Variants in CHRM2 observed in about 807,000 individuals in gnomAD.
The protein encoded by CHRM2 is muscarinic acetylcholine receptor M2.
In CHRM2, 8 loss-of-function variants were observed where a neutral mutation model predicts 25.0. The ratio of observed to expected loss-of-function variants is 0.32; its 90% CI spans 0.19 to 0.58. The LOEUF is 0.58. Among genes scored for constraint, CHRM2 ranks in the 20% least tolerant of loss-of-function variants. The pLI, the probability that CHRM2 is intolerant of heterozygous loss-of-function variation, is 0.88. For synonymous variants in CHRM2, 202 were observed against 205.7 expected, an observed-to-expected ratio of 0.98 and a Z score of 0.15; for missense variants, 440 against 567.1, an observed-to-expected ratio of 0.78 and a Z score of 2.28.
intron 2 of CHRM2, among the ~76,000 whole-genome samples, chr7:136,967,836 C>A (rs896631942): frequency 3.9e-5 from 6 of 151,922 alleles, no homozygotes; most frequent in African/African-American, 1.2e-4. Flanking sequence ...CTGTGACATT[C>A]TTTATCTTCT....
At chr7:136,958,546 C>T (rs77259372) in intron 2 of CHRM2, among the ~76,000 whole-genome samples, 197 of 151,204 alleles carry the variant, frequency 1.3e-3, no homozygotes, top group African/African-American at 4.6e-3. Flanking sequence ...ACCTCTACCT[C>T]CCGGGGCTAA....
intron 2 of CHRM2, among the ~76,000 whole-genome samples, chr7:136,920,035 G>T (rs2130729082): frequency 6.6e-6 from 1 of 151,998 alleles, no homozygotes; most frequent in Non-Finnish European, 1.5e-5. Flanking sequence ...ATGTAGTGAA[G>T]CTCCCAGGGG....
At chr7:136,930,920 A>AAAAAAAAAG (rs1799057789) in intron 2 of CHRM2, among the ~76,000 whole-genome samples, 1 of 135,522 alleles carries the variant, frequency 7.4e-6, no homozygotes, top group Non-Finnish European at 1.5e-5. Context: ...AAAAAAAAAA[A>AAAAAAAAAG]AAAAAAAGGA....
intron 2 of CHRM2, among the ~76,000 whole-genome samples, chr7:136,966,581 G>A (rs935409624): frequency 3.3e-5 from 5 of 151,756 alleles, no homozygotes; most frequent in Non-Finnish European, 7.4e-5. Context: ...TGTCCTCTCC[G>A]TTTCTCTTCA....
intron 2 of CHRM2, among the ~76,000 whole-genome samples, chr7:136,983,023 TC>T (rs1379019727): frequency 6.6e-6 from 1 of 152,226 alleles, no homozygotes; most frequent in Non-Finnish European, 1.5e-5. Flanking sequence ...TTGGATAATA[TC>T]CTGAAGAGTG....
chr7:136,909,081 T>C (rs1364653398), intron 2 of CHRM2, among the ~76,000 whole-genome samples: 1 of 151,974 alleles, frequency 6.6e-6, no homozygotes, highest in Non-Finnish European at 1.5e-5. Flanking sequence ...TGTGATAATA[T>C]GTTTCATATG....
At chr7:137,008,206 G>C (rs1804576878) in intron 3 of CHRM2, among the ~76,000 whole-genome samples, 1 of 152,026 alleles carries the variant, frequency 6.6e-6, no homozygotes, top group Non-Finnish European at 1.5e-5. Flanking sequence ...TTCTTAAGGT[G>C]GGGAAGAGAT....
chr7:136,901,792 A>G (rs1196171577), intron 2 of CHRM2: 1 of 152,056 alleles, frequency 6.6e-6, no homozygotes. Flanking sequence ...TGCATAACTC[A>G]CAAAACCTCT....
chr7:137,014,155 T>C (rs1187139473), intron 3 of CHRM2, among the ~76,000 whole-genome samples: 2 of 152,038 alleles, frequency 1.3e-5, no homozygotes, highest in African/African-American at 4.8e-5. Context: ...TATTCTTGTG[T>C]AAGATATGGA....
intron 3 of CHRM2, among the ~76,000 whole-genome samples, chr7:137,013,947 G>T (rs1804997452): frequency 6.6e-6 from 1 of 151,914 alleles, no homozygotes; most frequent in African/African-American, 2.4e-5. Flanking sequence ...CAAAAAGTTT[G>T]GCAGAAAGAA....
chr7:136,955,123 C>T (rs563362786), intron 2 of CHRM2, among the ~76,000 whole-genome samples: 3 of 152,080 alleles, frequency 2.0e-5, no homozygotes, highest in Non-Finnish European at 2.9e-5. Context: ...TTTAAAAGTT[C>T]GTGTTTTCTT....
rs74867823 is a variant in CHRM2 at position 136,904,014 on chromosome 7, T to A, written c.-125+34596T>A. Among the ~76,000 whole-genome samples the A allele has an allele frequency of 4.0e-3, 610 of 152,100 alleles. 3 individuals carry two copies. Among genetic ancestry groups the A allele is most frequent in the African/African-American group, 0.014 (579 of 41,548 alleles). On this transcript the variant is annotated intron_variant, in intron 2 of 3. Transcript: ENST00000680005. ...AATGGCTTTAATTGTCATGATATGT[T>A]ACTCTTTTAATGTACTATTGAATTC...
intron 3 of CHRM2, among the ~76,000 whole-genome samples, chr7:137,004,897 G>C (rs1377880615): frequency 1.3e-5 from 2 of 152,104 alleles, no homozygotes; most frequent in Non-Finnish European, 2.9e-5. Flanking sequence ...TCTAGAAATA[G>C]TCTGCAATCA....
intron 2 of CHRM2, among the ~76,000 whole-genome samples, chr7:136,912,388 A>G (rs1455182073): frequency 2.0e-5 from 3 of 151,952 alleles, no homozygotes; most frequent in Non-Finnish European, 4.4e-5. Flanking sequence ...CCTCTTGCTG[A>G]TCCATGTATA....
intron 2 of CHRM2, among the ~76,000 whole-genome samples, chr7:136,914,897 T>C (rs780884692): frequency 6.6e-6 from 1 of 151,938 alleles, no homozygotes; most frequent in Non-Finnish European, 1.5e-5. Context: ...TTAAATACTT[T>C]TAGTTTCATA....
intron 2 of CHRM2, among the ~76,000 whole-genome samples, chr7:136,938,900 T>C (rs36210735): frequency 0.59 from 61,128 of 103,186 alleles, 18,006 homozygotes; most frequent in African/African-American, 0.75. Flanking sequence ...AAAATAAAAC[T>C]TCAGCTAGCT....
At chr7:136,998,160 C>G (rs1254826629) in intron 3 of CHRM2, among the ~76,000 whole-genome samples, 2 of 152,156 alleles carry the variant, frequency 1.3e-5, no homozygotes, top group Non-Finnish European at 2.9e-5. Context: ...AGAATTAGTT[C>G]AAGCTCATAC....
In CHRM2 at chr7:136,981,272, T is replaced by C. The variant is rs1802468212; in HGVS notation, c.-124-10915T>C. Among the ~76,000 whole-genome samples, 3 of 152,214 alleles carry C rather than the reference T, an allele frequency of 2.0e-5. No individual in the cohort carries two copies. The South Asian group carries it at 6.2e-4, about 32-fold the overall frequency. ...TCTCTGATGGTAGTTTGTATTGCAG[T>C]GGGATCAGTGGTAATATCACATTTA... On this transcript the variant is annotated intron_variant, in intron 2 of 3. Transcript: ENST00000680005.
chr7:136,928,450 A>C (rs892146628), intron 2 of CHRM2, among the ~76,000 whole-genome samples: 1 of 152,206 alleles, frequency 6.6e-6, no homozygotes, highest in Non-Finnish European at 1.5e-5. Context: ...AGGTTTGCAC[A>C]TTGTATACTA....
Sources: gnomAD v4.1 joint callset for allele counts (sites outside exome capture counted in the v4.1 genomes callset) on GRCh38, gnomAD v4.1.1 for gene constraint, MANE v1.5 for transcripts, NCBI Gene and HGNC (gene_info 2026-07-23, HGNC 2026-07-21) for gene names.